SPOCK3: variants seen among roughly 807,000 people sequenced by gnomAD.
SPOCK3 encodes the protein SPARC (osteonectin), cwcv and kazal like domains proteoglycan 3.
A neutral mutation model predicts 56.6 loss-of-function variants in SPOCK3; 30 were observed. The observed-to-expected ratio is 0.53, with a 90% CI of 0.40 to 0.72. SPOCK3 has a LOEUF of 0.72. Among genes scored for constraint, SPOCK3 ranks in the 30% least tolerant of loss-of-function variants. The probability of loss-of-function intolerance (pLI) is 0.00; values close to 1 mark genes in which losing one functional copy is unlikely to be tolerated. For synonymous variants in SPOCK3, 196 were observed against 183.3 expected (o/e 1.07, Z -0.56); for missense variants, 527 against 530.0 (o/e 0.99, Z 0.06).
chr4:166,860,984 G>A (rs1731193183), intron 6 of SPOCK3, among the ~76,000 whole-genome samples: 1 of 151,476 alleles, frequency 6.6e-6, no homozygotes, highest in Non-Finnish European at 1.5e-5. Context: ...ATATTTTAAT[G>A]GGAAGAGCCT....
At chr4:166,879,019 C>G (rs577239410) in intron 6 of SPOCK3, among the ~76,000 whole-genome samples, 49 of 152,056 alleles carry the variant, frequency 3.2e-4, no homozygotes, top group Non-Finnish European at 5.6e-4. Context: ...TTTAAAATGG[C>G]TATGGATTTA....
At chr4:166,798,507 G>C (rs1442408725) in intron 6 of SPOCK3, among the ~76,000 whole-genome samples, 1 of 152,134 alleles carries the variant, frequency 6.6e-6, no homozygotes, top group Admixed American at 6.5e-5. Context: ...CCATAGCTAT[G>C]ATCAACAACA....
At chr4:166,842,048 C>G (rs1031249443) in intron 6 of SPOCK3, among the ~76,000 whole-genome samples, 37 of 152,062 alleles carry the variant, frequency 2.4e-4, no homozygotes, top group African/African-American at 6.5e-4. Context: ...GCTCTTAAGG[C>G]GTTGCGTCGG....
intron 4 of SPOCK3, chr4:166,918,527 G>A (rs1738137090): frequency 6.6e-6 from 1 of 152,022 alleles, no homozygotes; most frequent in South Asian, 2.1e-4. Context: ...TATTAACAAT[G>A]TTGCTATAAA....
chr4:167,176,445 A>G (rs1035852605), intron 2 of SPOCK3, among the ~76,000 whole-genome samples: 2 of 152,092 alleles, frequency 1.3e-5, no homozygotes. Flanking sequence ...TGTACATTCT[A>G]TTAGCATGCC....
At chr4:167,126,984 A>G (rs912572549) in intron 2 of SPOCK3, among the ~76,000 whole-genome samples, 1 of 152,030 alleles carries the variant, frequency 6.6e-6, no homozygotes, top group African/African-American at 2.4e-5. Flanking sequence ...CAACTTTACC[A>G]TCATACTGCA....
At position 166,815,478 on chromosome 4, in the gene SPOCK3, G is replaced by T. The variant is rs556408817; in HGVS notation, c.590-23189C>A. Among the ~76,000 whole-genome samples, 59 of 152,134 alleles carry T rather than the reference G, an allele frequency of 3.9e-4. 2 individuals are homozygous for T. In the South Asian group the frequency reaches 0.011, roughly 28 times the overall value. On this transcript the variant is annotated intron_variant, in intron 6 of 10. Coordinates refer to ENST00000357545, the MANE Select transcript of SPOCK3 (RefSeq NM_001040159.2). Reference sequence around the variant, plus strand: ...TACATTGAATATGATCTATTAAAAAGATGTGCATATTTTTAGGATTTAACA... The same window carrying T: ...TACATTGAATATGATCTATTAAAAATATGTGCATATTTTTAGGATTTAACA...
chr4:167,009,640 CA>C (rs1443640722), intron 3 of SPOCK3, among the ~76,000 whole-genome samples: 3 of 151,800 alleles, frequency 2.0e-5, no homozygotes, highest in African/African-American at 7.3e-5. Flanking sequence ...AAAAAAACAA[CA>C]ACAAAAATAA....
intron 2 of SPOCK3, among the ~76,000 whole-genome samples, chr4:167,125,947 A>G (rs1467943205): frequency 3.3e-5 from 5 of 152,160 alleles, no homozygotes; most frequent in African/African-American, 1.2e-4. Flanking sequence ...AATGGAGGGC[A>G]TGACCTCCTT....
intron 5 of SPOCK3, among the ~76,000 whole-genome samples, chr4:166,899,465 ACT>A (rs1056862454): frequency 1.7e-4 from 26 of 150,622 alleles, no homozygotes; most frequent in Non-Finnish European, 2.7e-4. Flanking sequence ...TGGCTGATAA[ACT>A]CTAACAAAGT....
At position 167,163,150 on chromosome 4, in the gene SPOCK3, G is replaced by GT. The variant is rs958612930; in HGVS notation, c.189+70834dup. ...CTTGAATGCAACAATTAAAACATAG[G>GT]TTTTTTTGTTGGGGGATTTTTTTTT... On this transcript the variant is annotated intron_variant, in intron 2 of 10. Coordinates refer to ENST00000357545, the MANE Select transcript of SPOCK3 (RefSeq NM_001040159.2). Among the ~76,000 whole-genome samples the GT allele has an allele frequency of 2.1e-4, 29 of 137,672 alleles. 1 individual carries two copies. The highest frequency in any genetic ancestry group is 3.1e-4 in the African/African-American group (12 of 38,166). 90.3% of individuals were successfully genotyped at this position (137,672 alleles called of 152,430 possible). A position where few individuals can be genotyped will look rare whatever the true frequency, so the allele number is the denominator to read the frequency against.
chr4:166,952,880 T>C (rs1376429204), intron 4 of SPOCK3, among the ~76,000 whole-genome samples: 2 of 151,678 alleles, frequency 1.3e-5, no homozygotes, highest in African/African-American at 2.4e-5. Flanking sequence ...TGGCTAGCCA[T>C]ATGTAGAAGG....
At chr4:166,736,688 G>T (rs1026253996) in intron 10 of SPOCK3, among the ~76,000 whole-genome samples, 1 of 151,634 alleles carries the variant, frequency 6.6e-6, no homozygotes, top group African/African-American at 2.4e-5. Flanking sequence ...GAAACACAAA[G>T]AATTAATTCC....
chr4:166,836,051 T>C (rs570488195), intron 6 of SPOCK3, among the ~76,000 whole-genome samples: 85 of 152,260 alleles, frequency 5.6e-4, no homozygotes, highest in Middle Eastern at 6.8e-3. Flanking sequence ...TTGAAACCTT[T>C]GAGATGCCTT....
chr4:166,971,146 T>C (rs985538980), intron 4 of SPOCK3, among the ~76,000 whole-genome samples: 16 of 152,208 alleles, frequency 1.1e-4, no homozygotes, highest in Admixed American at 5.2e-4. Flanking sequence ...CTAGAGGTGT[T>C]TGCAAGATGT....
chr4:167,192,151 T>A (rs1732522819), intron 2 of SPOCK3, among the ~76,000 whole-genome samples: 1 of 146,126 alleles, frequency 6.8e-6, no homozygotes, highest in Non-Finnish European at 1.5e-5. Context: ...TAGTATATGG[T>A]CCTTTTCATT....
intron 2 of SPOCK3, among the ~76,000 whole-genome samples, chr4:167,116,535 TATATA>T (rs1201629557): frequency 2.9e-5 from 4 of 139,702 alleles, no homozygotes; most frequent in Non-Finnish European, 4.6e-5. Context: ...TATGTATATA[TATATA>T]AAAGTATATA....
chr4:166,768,612 C>G (rs552763641), intron 7 of SPOCK3, among the ~76,000 whole-genome samples: 4 of 152,102 alleles, frequency 2.6e-5, no homozygotes, highest in Admixed American at 2.6e-4. Context: ...CTCTGGCTGC[C>G]CTTAACATTT....
chr4:167,021,768 T>A (rs1423029050), intron 3 of SPOCK3, among the ~76,000 whole-genome samples: 1 of 151,844 alleles, frequency 6.6e-6, no homozygotes, highest in Non-Finnish European at 1.5e-5. Context: ...GCAATCCAAA[T>A]CAAGATAATT....
Sources: allele counts gnomAD v4.1 joint callset (sites outside exome capture counted in the v4.1 genomes callset), GRCh38; gene constraint gnomAD v4.1.1; transcripts MANE v1.5; gene names NCBI Gene and HGNC (gene_info 2026-07-23, HGNC 2026-07-21).